Variants in CACNA2D3 observed in about 807,000 individuals in gnomAD.
The protein encoded by CACNA2D3 is calcium voltage-gated channel auxiliary subunit alpha2delta 3, also known as voltage-dependent calcium channel subunit alpha-2/delta-3.
CACNA2D3 carries 60 observed loss-of-function variants against 160.6 expected under a neutral mutation model. The observed-to-expected ratio is 0.37, with a 90% confidence interval of 0.30 to 0.46. The LOEUF (loss-of-function observed/expected upper bound fraction) is 0.46, where lower values mean the gene tolerates loss of function less well. Ranked by LOEUF, CACNA2D3 falls within the 20% of genes least tolerant of loss-of-function variation. CACNA2D3 has a pLI of 1.00. For missense variants in CACNA2D3, 1,205 were observed against 1,365.0 expected (o/e 0.88, Z 1.85); for synonymous variants, 558 against 492.9 (o/e 1.13, Z -1.75).
In CACNA2D3 at chr3:54,339,656, T is replaced by A. The variant is rs1176773231; in HGVS notation, c.321+19098T>A. On this transcript the variant is annotated intron_variant, in intron 3 of 37. Transcript: ENST00000474759. ...AGTGAACGATCAGAAATTTTTCTGATATGCCAGAGATCTGATCAGAATATT... is the reference window on the plus strand; with the variant it reads ...AGTGAACGATCAGAAATTTTTCTGAAATGCCAGAGATCTGATCAGAATATT... 1.3e-5 allele frequency among the ~76,000 whole-genome samples: 2 copies of A among 152,216 alleles called. 1 individual carries two copies. The highest frequency in any genetic ancestry group is 4.8e-5 in the African/African-American group (2 of 41,444).
intron 2 of CACNA2D3, among the ~76,000 whole-genome samples, chr3:54,136,610 C>T (rs1699819505): frequency 6.6e-6 from 1 of 152,252 alleles, no homozygotes; most frequent in African/African-American, 2.4e-5. Flanking sequence ...AGTGACAGCA[C>T]ACTGCTTGAG....
intron 29 of CACNA2D3, among the ~76,000 whole-genome samples, chr3:54,981,775 G>A (rs749650136): frequency 1.3e-5 from 2 of 152,174 alleles, no homozygotes; most frequent in Non-Finnish European, 2.9e-5. Flanking sequence ...TTTGCTTAGC[G>A]CCCAGTATCA....
intron 2 of CACNA2D3, among the ~76,000 whole-genome samples, chr3:54,288,099 C>A (rs763400507): frequency 0.014 from 2,053 of 151,526 alleles, 37 homozygotes; most frequent in East Asian, 0.058. Flanking sequence ...AAATAGAGAC[C>A]CAAAAAACCC....
chr3:54,129,775 A>G (rs1023743353), intron 2 of CACNA2D3, among the ~76,000 whole-genome samples: 1 of 152,232 alleles, frequency 6.6e-6, no homozygotes, highest in African/African-American at 2.4e-5. Flanking sequence ...AACAACTGCC[A>G]GTTGATATTT....
chr3:54,256,437 A>T (rs1371369249), intron 2 of CACNA2D3, among the ~76,000 whole-genome samples: 1 of 152,182 alleles, frequency 6.6e-6, no homozygotes, highest in Non-Finnish European at 1.5e-5. Flanking sequence ...GATGAGGAAT[A>T]TGGGCAGCTT....
intron 13 of CACNA2D3, among the ~76,000 whole-genome samples, chr3:54,784,637 G>C (rs1456940278): frequency 1.3e-5 from 2 of 152,166 alleles, no homozygotes; most frequent in African/African-American, 2.4e-5. Context: ...AGATGTGAAA[G>C]GTGTAGGGAG....
intron 4 of CACNA2D3, among the ~76,000 whole-genome samples, chr3:54,481,393 C>T (rs1700929887): frequency 6.6e-6 from 1 of 152,160 alleles, no homozygotes; most frequent in Non-Finnish European, 1.5e-5. Context: ...GTGTGATCTC[C>T]ATTTCCAGCC....
intron 35 of CACNA2D3, among the ~76,000 whole-genome samples, chr3:55,067,772 G>C (rs747601897): frequency 2.6e-5 from 4 of 151,684 alleles, no homozygotes; most frequent in African/African-American, 9.7e-5. Context: ...GATATATAAA[G>C]AATTTATAGA....
Position 55,007,860 on chromosome 3 carries a change from C to T in CACNA2D3, c.2819+18C>T. On this transcript the variant is annotated intron_variant, in intron 33 of 37. Coordinates refer to ENST00000474759, the MANE Select transcript of CACNA2D3 (RefSeq NM_018398.3). ...CTTGTCTTGTAAGTAAAATCTGCTG[C>T]ATTTTTTTGAAAAGTATTAATATTT... The T allele has an allele frequency of 6.7e-7, 1 of 1,499,140 alleles. No homozygotes were observed. Among genetic ancestry groups the T allele is most frequent in the Non-Finnish European group, 8.9e-7 (1 of 1,123,182 alleles). 92.9% of individuals were successfully genotyped at this position (1,499,140 alleles called of 1,614,324 possible).
chr3:54,277,875 ATT>A (rs1702782921), intron 2 of CACNA2D3, among the ~76,000 whole-genome samples: 1 of 152,098 alleles, frequency 6.6e-6, no homozygotes, highest in Non-Finnish European at 1.5e-5. Flanking sequence ...TAGGTGTTTT[ATT>A]CTCTTTGTAG....
At position 54,594,848 on chromosome 3, in the gene CACNA2D3, T is replaced by C. The variant is rs146634377; in HGVS notation, c.963+12971T>C. 1.2e-4 allele frequency among the ~76,000 whole-genome samples: 19 copies of C among 152,336 alleles called. No homozygotes were observed. The East Asian group carries it at 3.5e-3, about 28-fold the overall frequency. ...TTTGTCAGCTGAGTTGACAGAAGAC[T>C]AGATAGACGGAGAAGCTGAGAGAGT... On this transcript the variant is annotated intron_variant, in intron 9 of 37. Transcript: ENST00000474759.
intron 13 of CACNA2D3, among the ~76,000 whole-genome samples, chr3:54,810,483 G>A (rs954609990): frequency 6.6e-6 from 1 of 152,174 alleles, no homozygotes; most frequent in African/African-American, 2.4e-5. Context: ...AAGAAGAATG[G>A]AAGATTATAC....
intron 4 of CACNA2D3, among the ~76,000 whole-genome samples, chr3:54,496,070 T>A (rs1701198071): frequency 6.6e-6 from 1 of 152,220 alleles, no homozygotes; most frequent in Non-Finnish European, 1.5e-5. Flanking sequence ...GATATTTAGG[T>A]TATTTCTAGT....
chr3:54,836,425 G>A (rs977085889), intron 14 of CACNA2D3, among the ~76,000 whole-genome samples: 7 of 151,606 alleles, frequency 4.6e-5, no homozygotes, highest in African/African-American at 1.7e-4. Flanking sequence ...TAGTAGAGAC[G>A]GGGTTTCACC....
At chr3:54,999,877 A>G (rs1351411242) in intron 31 of CACNA2D3, among the ~76,000 whole-genome samples, 4 of 152,212 alleles carry the variant, frequency 2.6e-5, no homozygotes, top group African/African-American at 9.7e-5. Context: ...TTGTCATCCA[A>G]GGCTCTACCC....
At chr3:54,495,440 C>T (rs767498244) in intron 4 of CACNA2D3, among the ~76,000 whole-genome samples, 2 of 151,968 alleles carry the variant, frequency 1.3e-5, no homozygotes, top group Non-Finnish European at 2.9e-5. Context: ...CCTGAGTAAC[C>T]CATGTATCAT....
At chr3:54,315,005 G>A (rs1393375411) in intron 2 of CACNA2D3, among the ~76,000 whole-genome samples, 1 of 152,242 alleles carries the variant, frequency 6.6e-6, no homozygotes, top group Non-Finnish European at 1.5e-5. Context: ...TGAAACAAAA[G>A]TAATTTGTAC....
chr3:54,265,528 G>A (rs1300116011), intron 2 of CACNA2D3, among the ~76,000 whole-genome samples: 1 of 114,670 alleles, frequency 8.7e-6, no homozygotes, highest in Non-Finnish European at 1.7e-5. Flanking sequence ...AGAACTTAAA[G>A]TATGTGTGTG....
At chr3:54,278,673 T>C (rs1255427110) in intron 2 of CACNA2D3, among the ~76,000 whole-genome samples, 1 of 152,224 alleles carries the variant, frequency 6.6e-6, no homozygotes, top group Admixed American at 6.5e-5. Flanking sequence ...AATGAGTTCA[T>C]GTCCTTTGCA....
Sources: allele counts gnomAD v4.1 joint callset (sites outside exome capture counted in the v4.1 genomes callset), GRCh38; gene constraint gnomAD v4.1.1; transcripts MANE v1.5; gene names NCBI Gene and HGNC (gene_info 2026-07-23, HGNC 2026-07-21).